The following RAPGEF5 variants were observed in gnomAD, a reference collection of about 807,000 sequenced individuals.
The protein encoded by RAPGEF5 is M-Ras-regulated GEF.
RAPGEF5 carries 65 observed loss-of-function variants against 125.2 expected under a neutral mutation model. The ratio of observed to expected loss-of-function variants is 0.52; its 90% CI spans 0.43 to 0.64. The LOEUF (loss-of-function observed/expected upper bound fraction) is 0.64, where lower values mean the gene tolerates loss of function less well. RAPGEF5 is among the 30% of genes least tolerant of loss of function. RAPGEF5 has a pLI of 0.00. For synonymous variants in RAPGEF5, 391 were observed against 385.9 expected (o/e 1.01, Z -0.16); for missense variants, 958 against 1,048.1 (o/e 0.91, Z 1.19).
At chr7:22,149,850 C>G (rs1202700286) in intron 18 of RAPGEF5, among the ~76,000 whole-genome samples, 1 of 152,136 alleles carries the variant, frequency 6.6e-6, no homozygotes, top group Non-Finnish European at 1.5e-5. Flanking sequence ...AGTCACCTAT[C>G]TCAAATCCCT....
chr7:22,280,848 G>T (rs557158190), intron 6 of RAPGEF5, among the ~76,000 whole-genome samples: 1 of 152,114 alleles, frequency 6.6e-6, no homozygotes, highest in Non-Finnish European at 1.5e-5. Flanking sequence ...TAGAATGTCA[G>T]CCTAACTAAA....
At chr7:22,192,966 G>A (rs983366491) in intron 11 of RAPGEF5, 2 of 215,970 alleles carry the variant, frequency 9.3e-6, no homozygotes, top group Non-Finnish European at 1.8e-5. Flanking sequence ...ATTTCAGCAC[G>A]GAGGCTGCTG....
chr7:22,188,030 G>A (rs1417553224), intron 11 of RAPGEF5, among the ~76,000 whole-genome samples: 2 of 152,198 alleles, frequency 1.3e-5, no homozygotes, highest in African/African-American at 4.8e-5. Flanking sequence ...ACACTGGTCT[G>A]TTTATTACAT....
intron 3 of RAPGEF5, among the ~76,000 whole-genome samples, chr7:22,313,258 G>A (rs559640313): frequency 2.0e-4 from 31 of 152,292 alleles, no homozygotes; most frequent in Non-Finnish European, 4.6e-4. Context: ...AAATAAATCA[G>A]GTGATGGTAT....
chr7:22,220,499 A>G (rs1387820887), intron 8 of RAPGEF5, among the ~76,000 whole-genome samples: 3 of 152,210 alleles, frequency 2.0e-5, no homozygotes, highest in African/African-American at 7.2e-5. Flanking sequence ...AATTTTTTTC[A>G]CAATTGGGAA....
At chr7:22,148,592 T>G (rs994235103) in intron 18 of RAPGEF5, among the ~76,000 whole-genome samples, 7 of 152,160 alleles carry the variant, frequency 4.6e-5, no homozygotes, top group African/African-American at 1.7e-4. Context: ...GTAGGACAAT[T>G]TTAGGTGGTG....
intron 11 of RAPGEF5, among the ~76,000 whole-genome samples, chr7:22,172,114 C>T (rs1207750296): frequency 6.6e-6 from 1 of 152,008 alleles, no homozygotes; most frequent in African/African-American, 2.4e-5. Flanking sequence ...TCATCTGCTA[C>T]TATTTTAATT....
At chr7:22,157,406 A>G (rs1429278606) in intron 15 of RAPGEF5, among the ~76,000 whole-genome samples, 1 of 152,202 alleles carries the variant, frequency 6.6e-6, no homozygotes, top group Non-Finnish European at 1.5e-5. Flanking sequence ...ATCTCAGTCC[A>G]TATTTCTCCC....
chr7:22,354,551 T>C (rs1784386763), intron 1 of RAPGEF5, among the ~76,000 whole-genome samples: 1 of 152,198 alleles, frequency 6.6e-6, no homozygotes, highest in African/African-American at 2.4e-5. Flanking sequence ...TTTTGGACTG[T>C]TAAGTGTATG....
At chr7:22,145,784 G>C (rs558463438) in intron 19 of RAPGEF5, among the ~76,000 whole-genome samples, 1 of 152,100 alleles carries the variant, frequency 6.6e-6, no homozygotes, top group Admixed American at 6.5e-5. Flanking sequence ...TGATGATGCT[G>C]GTCTGAGTAC....
At chr7:22,221,830 G>A (rs1057056367) in intron 8 of RAPGEF5, among the ~76,000 whole-genome samples, 1 of 152,132 alleles carries the variant, frequency 6.6e-6, no homozygotes, top group Non-Finnish European at 1.5e-5. Flanking sequence ...CATGAGAGCA[G>A]ACTAATACAA....
rs757817117 is a variant in RAPGEF5, at chr7:22,121,182, T to A, written c.*1224A>T. 21 of 148,288 alleles carry A rather than the reference T, an allele frequency of 1.4e-4. No homozygotes were observed. The allele number at this position is 148,288 out of a possible 1,614,324, so 9.2% of individuals were successfully genotyped here. A position where few individuals can be genotyped will look rare whatever the true frequency, so the allele number is the denominator to read the frequency against. ...GTCTTATTTGCTACAGGAGCCTCAA[T>A]TGGTAAAAATGGGAATAATAAGATT... is the stretch of plus-strand genomic sequence containing the variant. On this transcript the variant is annotated 3_prime_UTR_variant, in exon 26 of 26. Transcript: ENST00000665637.
At chr7:22,195,738 G>GAAAAAA (rs1785133890) in intron 9 of RAPGEF5, among the ~76,000 whole-genome samples, 1 of 151,940 alleles carries the variant, frequency 6.6e-6, no homozygotes, top group South Asian at 2.1e-4. Flanking sequence ...CCCAAAAAAC[G>GAAAAAA]AAAAACAAAA....
intron 6 of RAPGEF5, among the ~76,000 whole-genome samples, chr7:22,268,668 G>A (rs1782343905): frequency 6.6e-6 from 1 of 152,154 alleles, no homozygotes; most frequent in Non-Finnish European, 1.5e-5. Context: ...CACACACACA[G>A]GGAGAAGGCA....
intron 7 of RAPGEF5, among the ~76,000 whole-genome samples, chr7:22,231,155 G>A (rs1159331404): frequency 6.6e-6 from 1 of 152,082 alleles, no homozygotes; most frequent in Non-Finnish European, 1.5e-5. Flanking sequence ...TCTTAATTCT[G>A]TTCTTCACCT....
chr7:22,125,210 C>A, intron 25 of RAPGEF5: 1 of 161,228 alleles, frequency 6.2e-6, no homozygotes, highest in East Asian at 1.8e-4. Context: ...TAGTCCTATT[C>A]CAGGAAGGCT....
Position 22,119,482 on chromosome 7 carries a change from G to A in RAPGEF5, c.*2924C>T, listed in dbSNP as rs528872261. 6.6e-6 allele frequency: 1 copy of A among 152,268 alleles called. No individual in the cohort carries two copies. Among genetic ancestry groups the A allele is most frequent in the South Asian group, 2.1e-4 (1 of 4,824 alleles). 9.4% of individuals were successfully genotyped at this position (152,268 alleles called of 1,614,324 possible). ...CAAATTCAAAACACCACACTCTAGG[G>A]AACACCTGCAAATGTGTATGTAAAA... On this transcript the variant is annotated 3_prime_UTR_variant, in exon 26 of 26. Coordinates refer to ENST00000665637, the MANE Select transcript of RAPGEF5 (RefSeq NM_012294.5). This position sits in a 1 kb window ranked among gnomAD's most constrained non-coding sequence, Gnocchi z 4.1.
chr7:22,226,599 C>T (rs952905982), intron 8 of RAPGEF5, among the ~76,000 whole-genome samples: 4 of 152,092 alleles, frequency 2.6e-5, no homozygotes, highest in Non-Finnish European at 4.4e-5. Context: ...AAATGAACCA[C>T]GAAGCATCCA....
In RAPGEF5 at chr7:22,169,859, C is replaced by CAAAAAAAGAAAAAAA. The variant is rs1784293580; in HGVS notation, c.1205-2712_1205-2711insTTTTTTTCTTTTTTT. ...TGTGCAACAGAGCGAGACTCTGTGTCAAAAAAAAAAAAAAAAAAAAAAGCT... is the reference window on the plus strand; with the variant it reads ...TGTGCAACAGAGCGAGACTCTGTGTCAAAAAAAGAAAAAAAAAAAAAAAAAAAAAAAAAAAAAGCT... On this transcript the variant is annotated intron_variant, in intron 11 of 25. Coordinates refer to ENST00000665637, the MANE Select transcript of RAPGEF5 (RefSeq NM_012294.5). 7.7e-5 allele frequency among the ~76,000 whole-genome samples: 2 copies of CAAAAAAAGAAAAAAA among 25,936 alleles called. 1 individual carries two copies. Among genetic ancestry groups the CAAAAAAAGAAAAAAA allele is most frequent in the East Asian group, 3.8e-3 (2 of 520 alleles). The allele number at this position is 25,936 out of a possible 152,430, so 17.0% of individuals were successfully genotyped here.
Sources: gnomAD v4.1 joint callset for allele counts (sites outside exome capture counted in the v4.1 genomes callset) on GRCh38, gnomAD v4.1.1 for gene constraint, Gnocchi (gnomAD v3.1) non-coding constraint, MANE v1.5 for transcripts, NCBI Gene and HGNC (gene_info 2026-07-23, HGNC 2026-07-21) for gene names.